The following ARF3 variants were observed in gnomAD, a reference collection of about 807,000 sequenced individuals.
ARF3 encodes the protein ARF GTPase 3, also known as ADP-ribosylation factor 3.
A neutral mutation model predicts 19.3 loss-of-function variants in ARF3; 5 were observed. The ratio of observed to expected loss-of-function variants is 0.26; its 90% CI spans 0.14 to 0.54. The LOEUF is 0.54. ARF3 is among the 20% of genes least tolerant of loss of function. The pLI is 0.95. For missense variants in ARF3, 77 were observed against 234.2 expected, an observed-to-expected ratio of 0.33 and a Z score of 4.38; for synonymous variants, 71 against 89.2, an observed-to-expected ratio of 0.80 and a Z score of 1.15.
At chr12:48,947,353 C>A (rs1179341469) in intron 1 of ARF3, among the ~76,000 whole-genome samples, 1 of 146,938 alleles carries the variant, frequency 6.8e-6, no homozygotes, top group Non-Finnish European at 1.5e-5. Context: ...CTCGCCCAGG[C>A]TGGGGTGCAG....
chr12:48,945,326 TC>T (rs1341630411), intron 1 of ARF3, among the ~76,000 whole-genome samples: 3 of 151,936 alleles, frequency 2.0e-5, no homozygotes, highest in Admixed American at 2.0e-4. Flanking sequence ...ACACCTGTAA[TC>T]CCAGCACTCT....
At chr12:48,941,284 A>G in intron 1 of ARF3, 96 bp from the exon 2 acceptor site, 1 of 631,588 alleles carries the variant, frequency 1.6e-6, no homozygotes, top group Non-Finnish European at 2.6e-6. Context: ...TTCATTCATG[A>G]CAAACGGAGA....
chr12:48,938,280 G>A lies in ARF3; in HGVS notation c.*667C>T, dbSNP rs956609410. On this transcript the variant is annotated 3_prime_UTR_variant, in exon 5 of 5. Transcript: ENST00000256682. ...CAGAAAAACCTACCTGCAGAGAGGA[G>A]GGTAACCAGTCAAAGACTGGGGCAG... 1 of 419,012 alleles carries A rather than the reference G, an allele frequency of 2.4e-6. No individual in the cohort carries two copies. The highest frequency in any genetic ancestry group is 2.6e-5 in the Admixed American group (1 of 39,184). 26.0% of individuals were successfully genotyped at this position (419,012 alleles called of 1,614,324 possible). A position where few individuals can be genotyped will look rare whatever the true frequency, so the allele number is the denominator to read the frequency against.
At chr12:48,952,151 C>A (rs770270796) in intron 1 of ARF3, among the ~76,000 whole-genome samples, 3 of 152,122 alleles carry the variant, frequency 2.0e-5, no homozygotes, top group Non-Finnish European at 4.4e-5. Context: ...ATGCCAGCTT[C>A]CCATCTAGGC....
rs1174569805 is a variant in ARF3, at chr12:48,935,989, T to A, written c.*2958A>T. On this transcript the variant is annotated 3_prime_UTR_variant, in exon 5 of 5. Transcript: ENST00000256682. ...CCTCACACTCTGATGCCCAATTCATTTGGGCTCCCCCGCCGCGGGGTATGA... is the reference window on the plus strand; with the variant it reads ...CCTCACACTCTGATGCCCAATTCATATGGGCTCCCCCGCCGCGGGGTATGA... 1.3e-5 allele frequency: 2 copies of A among 152,200 alleles called. No homozygotes were observed. Among genetic ancestry groups the A allele is most frequent in the African/African-American group, 4.8e-5 (2 of 41,448 alleles). 9.4% of individuals were successfully genotyped at this position (152,200 alleles called of 1,614,324 possible). A position where few individuals can be genotyped will look rare whatever the true frequency, so the allele number is the denominator to read the frequency against.
chr12:48,948,743 A>G (rs1247391267), intron 1 of ARF3, among the ~76,000 whole-genome samples: 1 of 151,886 alleles, frequency 6.6e-6, no homozygotes, highest in Non-Finnish European at 1.5e-5. Context: ...CCCAGGAAGC[A>G]GGGGTTGCAG....
In ARF3 at chr12:48,945,706, C is replaced by T. The variant is rs1009473192; in HGVS notation, c.-93-4518G>A. Among the ~76,000 whole-genome samples, 3 of 152,172 alleles carry T rather than the reference C, an allele frequency of 2.0e-5. No individual in the cohort carries two copies. In the South Asian group the frequency reaches 6.2e-4, roughly 32 times the overall value. The stretch of plus-strand genomic sequence containing the variant: ...CCACTGCACTCCAGCCTGTGTAACA[C>T]TGAGACTCCATCTCAAAAAATAAAT... On this transcript the variant is annotated intron_variant, in intron 1 of 4. Transcript: ENST00000256682.
intron 1 of ARF3, chr12:48,956,215 AG>A (rs1482548457): frequency 6.6e-6 from 1 of 152,328 alleles, no homozygotes; most frequent in Non-Finnish European, 1.5e-5. Context: ...GCCATAGACC[AG>A]GGGTGACCCA....
chr12:48,956,551 G>T (rs1377019764), intron 1 of ARF3: 1 of 152,098 alleles, frequency 6.6e-6, no homozygotes, highest in East Asian at 1.9e-4. Flanking sequence ...GAAAGAAAGC[G>T]GATTGGAAGA....
rs1222521927 is a variant in ARF3, at chr12:48,939,489, G to A, written c.384+166C>T. Among the ~76,000 whole-genome samples, 1 of 152,122 alleles carries A rather than the reference G, an allele frequency of 6.6e-6. No homozygotes were observed. Among genetic ancestry groups the A allele is most frequent in the Non-Finnish European group, 1.5e-5 (1 of 68,018 alleles). On this transcript the variant is annotated intron_variant, in intron 4 of 4. Transcript: ENST00000256682. This position sits in a 1 kb window ranked among gnomAD's most constrained non-coding sequence, Gnocchi z 4.8. ...CTGAAATGTTGCTAAATAAAGCTTG[G>A]GGTGGGGCACAAGAAGAGGGGCATA...
Position 48,939,822 on chromosome 12 carries a change from C to A in ARF3, c.260-43G>T. On this transcript the variant is annotated intron_variant, in intron 3 of 4. Coordinates refer to ENST00000256682, the MANE Select transcript of ARF3 (RefSeq NM_001659.3). The surrounding 1 kb of genome is among the most constrained non-coding windows in gnomAD (Gnocchi z 4.8). ...GGGCTGCACTAAGATGACAGGTAAC[C>A]CCCTCCCCCCAACCAAAAGACCACA... 1 of 1,611,444 alleles carries A rather than the reference C, an allele frequency of 6.2e-7. No individual in the cohort carries two copies. The highest frequency in any genetic ancestry group is 8.5e-7 in the Non-Finnish European group (1 of 1,178,160).
intron 1 of ARF3, among the ~76,000 whole-genome samples, chr12:48,949,036 G>A (rs767963829): frequency 1.3e-5 from 2 of 152,182 alleles, no homozygotes; most frequent in African/African-American, 2.4e-5. Context: ...AGTGGAGATA[G>A]AGAGAAGAGG....
At chr12:48,948,937 A>G (rs1940412558) in intron 1 of ARF3, among the ~76,000 whole-genome samples, 1 of 152,182 alleles carries the variant, frequency 6.6e-6, no homozygotes, top group Non-Finnish European at 1.5e-5. Flanking sequence ...AAGTTTCAGG[A>G]GTAAATTAGA....
At chr12:48,954,891 C>T (rs931762607) in intron 1 of ARF3, among the ~76,000 whole-genome samples, 30 of 152,118 alleles carry the variant, frequency 2.0e-4, no homozygotes, top group African/African-American at 7.0e-4. Flanking sequence ...TGGTGGCACA[C>T]GCATGTGGTC....
chr12:48,941,189 C>T lies in ARF3; in HGVS notation c.-93-1G>A. On this transcript the variant is annotated splice_acceptor_variant, in intron 1 of 4. Transcript: ENST00000256682. LOFTEE classifies it low-confidence loss of function (5UTR_SPLICE). ...GGTCCCTGGTATGGAAGACTTGATC[C>T]TAGACAAAGGAAATGTAAAATCATA... is the stretch of plus-strand genomic sequence containing the variant. The T allele has an allele frequency of 7.4e-7, 1 of 1,354,158 alleles. No homozygotes were observed. Among genetic ancestry groups the T allele is most frequent in the South Asian group, 1.4e-5 (1 of 69,810 alleles). 83.9% of individuals were successfully genotyped at this position (1,354,158 alleles called of 1,614,324 possible). A position where few individuals can be genotyped will look rare whatever the true frequency, so the allele number is the denominator to read the frequency against.
At chr12:48,946,361 C>T (rs573334067) in intron 1 of ARF3, among the ~76,000 whole-genome samples, 2 of 152,324 alleles carry the variant, frequency 1.3e-5, no homozygotes, top group Non-Finnish European at 2.9e-5. Flanking sequence ...TGAATTGTTT[C>T]TCCATGTATT....
intron 1 of ARF3, among the ~76,000 whole-genome samples, chr12:48,945,054 C>T (rs1025342222): frequency 5.4e-5 from 8 of 149,082 alleles, no homozygotes; most frequent in African/African-American, 1.7e-4. Context: ...GCAGGAGAAC[C>T]GCTGGAATCC....
chr12:48,938,370 A>G lies in ARF3; in HGVS notation c.*577T>C. On this transcript the variant is annotated 3_prime_UTR_variant, in exon 5 of 5. Transcript: ENST00000256682. ...CTCACCAACACGGAAGGGGCAGATGACAGGCTCCAGTGGGCAGTGTCCTGG... is the reference window on the plus strand; with the variant it reads ...CTCACCAACACGGAAGGGGCAGATGGCAGGCTCCAGTGGGCAGTGTCCTGG... 1 of 454,324 alleles carries G rather than the reference A, an allele frequency of 2.2e-6. No homozygotes were observed. 28.1% of individuals were successfully genotyped at this position (454,324 alleles called of 1,614,324 possible).
intron 2 of ARF3, 103 bp downstream of exon 2, chr12:48,940,845 T>G: frequency 7.2e-7 from 1 of 1,388,306 alleles, no homozygotes; most frequent in East Asian, 2.6e-5. Context: ...ACAAATTGTA[T>G]GGACTTGCCT....
Sources: allele counts gnomAD v4.1 joint callset (sites outside exome capture counted in the v4.1 genomes callset), GRCh38; gene constraint gnomAD v4.1.1; non-coding constraint Gnocchi (gnomAD v3.1); transcripts MANE v1.5; gene names NCBI Gene and HGNC (gene_info 2026-07-23, HGNC 2026-07-21).